The following SLC43A2 variants were observed in gnomAD, a reference collection of about 807,000 sequenced individuals.
SLC43A2 encodes large neutral amino acids transporter small subunit 4.
In SLC43A2, 38 loss-of-function variants were observed where a neutral mutation model predicts 63.2. The observed-to-expected ratio is 0.60, with a 90% CI of 0.46 to 0.79. The LOEUF (loss-of-function observed/expected upper bound fraction) is 0.79. SLC43A2 is among the 30% of genes least tolerant of loss of function. The pLI is 0.00. For missense variants in SLC43A2, 644 were observed against 756.2 expected (o/e 0.85, Z 1.74); for synonymous variants, 322 against 331.0 (o/e 0.97, Z 0.30).
chr17:1,603,156 T>A (rs1312521447), intron 5 of SLC43A2: 1 of 152,164 alleles, frequency 6.6e-6, no homozygotes, highest in Non-Finnish European at 1.5e-5. Context: ...CTGGTCAAGC[T>A]GCTCCTGGGC....
intron 9 of SLC43A2, chr17:1,587,025 C>T (rs921215285): frequency 6.8e-7 from 1 of 1,471,510 alleles, no homozygotes; most frequent in African/African-American, 1.4e-5. Flanking sequence ...AATCTCAGTG[C>T]TACAGAGAGA....
At chr17:1,581,317 C>T (rs1316435923) in intron 11 of SLC43A2, among the ~76,000 whole-genome samples, 1 of 152,172 alleles carries the variant, frequency 6.6e-6, no homozygotes, top group Non-Finnish European at 1.5e-5. Flanking sequence ...ATGACTGTCC[C>T]CACTGAGCAC....
chr17:1,603,901 T>C (rs773379213), intron 5 of SLC43A2, among the ~76,000 whole-genome samples: 2 of 152,224 alleles, frequency 1.3e-5, no homozygotes, highest in Non-Finnish European at 2.9e-5. Flanking sequence ...CCTCTGTGTG[T>C]AGGCCCCAGG....
intron 11 of SLC43A2, among the ~76,000 whole-genome samples, chr17:1,582,971 C>A (rs778803131): frequency 6.6e-6 from 1 of 152,082 alleles, no homozygotes; most frequent in Admixed American, 6.6e-5. Flanking sequence ...CCCAGCTACT[C>A]GGGAGGCTGA....
At chr17:1,576,336 G>C (rs1310885596) in intron 13 of SLC43A2, among the ~76,000 whole-genome samples, 2 of 152,010 alleles carry the variant, frequency 1.3e-5, no homozygotes, top group African/African-American at 4.8e-5. Context: ...CTCCCGCCTC[G>C]GCCTCTCAAA....
chr17:1,575,835 T>A, intron 13 of SLC43A2, 70 bp from the exon 14 acceptor site: 2 of 1,503,186 alleles, frequency 1.3e-6, no homozygotes, highest in Non-Finnish European at 1.8e-6. Context: ...CGCCCTCCAC[T>A]CGGGTTTGGG....
intron 4 of SLC43A2, among the ~76,000 whole-genome samples, chr17:1,613,517 A>G (rs1907318575): frequency 6.6e-6 from 1 of 152,048 alleles, no homozygotes; most frequent in African/African-American, 2.4e-5. Flanking sequence ...CAATGGCACG[A>G]TCCTGGCTCA....
intron 2 of SLC43A2, among the ~76,000 whole-genome samples, chr17:1,624,202 C>T (rs1019387609): frequency 2.6e-5 from 4 of 152,212 alleles, no homozygotes; most frequent in Non-Finnish European, 5.9e-5. Context: ...TGTGGGAGCC[C>T]GAGGTGGGTG....
At chr17:1,576,443 G>A (rs1286398797) in intron 13 of SLC43A2, among the ~76,000 whole-genome samples, 154 bp downstream of exon 13, 1 of 152,070 alleles carries the variant, frequency 6.6e-6, no homozygotes, top group African/African-American at 2.4e-5. Flanking sequence ...TCCTTTTCCT[G>A]CCTAGCCACC....
At position 1,616,685 on chromosome 17, in the gene SLC43A2, T is replaced by G. The variant is rs761347659; in HGVS notation, c.245A>C (p.Gln82Pro). 6.2e-7 allele frequency: 1 copy of G among 1,614,124 alleles called. No homozygotes were observed. Among genetic ancestry groups the G allele is most frequent in the Admixed American group, 1.7e-5 (1 of 60,028 alleles). ...CAAATTTAGCATCTCGTCCTGGGCC[T>G]GGCAGCTGAGCCAGCCGTTCATCCA... ...VSWMNGWLSC[Q>P]AQDEMLNLAF... The change falls in exon 3 of 14, where the codon CAG becomes CCG. Residue 82 changes from glutamine (Q) to proline (P), a missense_variant. Gln to Pro is a moderately conservative substitution (Grantham distance 76). Around this residue, in one of 3 missense-constraint regions of SLC43A2, gnomAD observed 528 missense variants for 623.6 expected, o/e 0.85. Coordinates refer to ENST00000301335, the MANE Select transcript of SLC43A2 (RefSeq NM_152346.3).
At chr17:1,600,156 T>A (rs12952338) in intron 5 of SLC43A2, among the ~76,000 whole-genome samples, 5,471 of 42,890 alleles carry the variant, frequency 0.13, 141 homozygotes, top group African/African-American at 0.2. Flanking sequence ...ATATATATTT[T>A]TTTTTTTTTT....
At chr17:1,590,215 T>C (rs1904614923) in intron 9 of SLC43A2, among the ~76,000 whole-genome samples, 1 of 152,128 alleles carries the variant, frequency 6.6e-6, no homozygotes, top group Admixed American at 6.6e-5. Flanking sequence ...TCTAATCAGC[T>C]GAAGACCTGC....
intron 5 of SLC43A2, among the ~76,000 whole-genome samples, chr17:1,594,642 C>G (rs185133305): frequency 7.4e-6 from 1 of 135,158 alleles, no homozygotes; most frequent in East Asian, 2.4e-4. Context: ...GGCTGTACTG[C>G]AGTGGCTCTA....
At chr17:1,600,287 G>GT (rs1002961962) in intron 5 of SLC43A2, among the ~76,000 whole-genome samples, 10 of 138,728 alleles carry the variant, frequency 7.2e-5, no homozygotes, top group African/African-American at 2.4e-4. Flanking sequence ...AGTAGCCAGG[G>GT]TTACAGGTGC....
At chr17:1,604,654 G>C in intron 5 of SLC43A2, 2 of 1,411,662 alleles carry the variant, frequency 1.4e-6, no homozygotes, top group Non-Finnish European at 1.9e-6. Flanking sequence ...GACTACAGGG[G>C]GATACCACAA....
At chr17:1,621,488 G>C (rs541329123) in intron 2 of SLC43A2, among the ~76,000 whole-genome samples, 1 of 152,096 alleles carries the variant, frequency 6.6e-6, no homozygotes, top group South Asian at 2.1e-4. Flanking sequence ...TCCTCAGTCC[G>C]GCAGGGGAGA....
Position 1,583,180 on chromosome 17 carries a change from G to T in SLC43A2, c.1350+24C>A, listed in dbSNP as rs747308542. The T allele has an allele frequency of 1.9e-6, 3 of 1,608,652 alleles. No homozygotes were observed. Among genetic ancestry groups the T allele is most frequent in the East Asian group, 2.2e-5 (1 of 44,716 alleles). ...CTTCTGACTGCCCCACCTCCCACCT[G>T]CCCCTCCCACTCCCCACACCCACCT... On this transcript the variant is annotated intron_variant, in intron 11 of 13. Transcript: ENST00000301335. The surrounding 1 kb of genome is among the most constrained non-coding windows in gnomAD (Gnocchi z 5.5).
chr17:1,588,906 C>T (rs527510667), intron 9 of SLC43A2, among the ~76,000 whole-genome samples: 9 of 152,186 alleles, frequency 5.9e-5, no homozygotes, highest in South Asian at 2.1e-4. Context: ...GGGCCGTACG[C>T]GGAGGCGATG....
chr17:1,588,559 T>C (rs567968399), intron 9 of SLC43A2, among the ~76,000 whole-genome samples: 1 of 149,790 alleles, frequency 6.7e-6, no homozygotes, highest in Admixed American at 6.6e-5. Context: ...TAGCCAGGCA[T>C]GGTGGCACAC....
Sources: gnomAD v4.1 joint callset for allele counts (sites outside exome capture counted in the v4.1 genomes callset) on GRCh38, gnomAD v4.1.1 for gene constraint, gnomAD v4.1.1 regional missense constraint, Gnocchi (gnomAD v3.1) non-coding constraint, MANE v1.5 for transcripts, NCBI Gene and HGNC (gene_info 2026-07-23, HGNC 2026-07-21) for gene names.